LRMDA: variants seen among roughly 807,000 people sequenced by gnomAD.
LRMDA encodes the protein leucine rich melanocyte differentiation associated, also known as leucine-rich melanocyte differentiation-associated protein.
A neutral mutation model predicts 29.8 loss-of-function variants in LRMDA; 18 were observed. The ratio of observed to expected loss-of-function variants is 0.60; its 90% confidence interval spans 0.42 to 0.90. The LOEUF is 0.90. LRMDA is among the 40% of genes least tolerant of loss of function. LRMDA has a pLI of 0.00. For missense variants in LRMDA, 273 were observed against 273.9 expected, an observed-to-expected ratio of 1.00 and a Z score of 0.02; for synonymous variants, 125 against 109.4, an observed-to-expected ratio of 1.14 and a Z score of -0.89.
chr10:75,920,977 T>C (rs1348699956), intron 2 of LRMDA, among the ~76,000 whole-genome samples: 1 of 152,230 alleles, frequency 6.6e-6, no homozygotes, highest in Non-Finnish European at 1.5e-5. Flanking sequence ...GTATGTGGTC[T>C]GTCTAATGCC....
intron 2 of LRMDA, among the ~76,000 whole-genome samples, chr10:75,483,867 G>GTTTGTTT (rs1554893490): frequency 8.4e-6 from 1 of 119,142 alleles, no homozygotes; most frequent in Non-Finnish European, 1.7e-5. Context: ...GTATGGAGAG[G>GTTTGTTT]TTTTTTTTTT....
At chr10:76,069,327 A>C (rs1485022329) in intron 5 of LRMDA, among the ~76,000 whole-genome samples, 1 of 152,184 alleles carries the variant, frequency 6.6e-6, no homozygotes, top group Non-Finnish European at 1.5e-5. Context: ...TGCTCCTTAC[A>C]GTAGAGTGTC....
At chr10:76,046,229 C>T (rs1323963628) in intron 3 of LRMDA, among the ~76,000 whole-genome samples, 2 of 152,180 alleles carry the variant, frequency 1.3e-5, no homozygotes, top group Non-Finnish European at 2.9e-5. Context: ...CTGTATGTGG[C>T]TTAAGCCAGG....
chr10:76,284,153 C>T (rs1281740617), intron 5 of LRMDA, among the ~76,000 whole-genome samples: 1 of 152,106 alleles, frequency 6.6e-6, no homozygotes, highest in Admixed American at 6.5e-5. Context: ...TGTCCATGTC[C>T]TAATTCTTAG....
chr10:76,031,849 A>G (rs1564634366), intron 2 of LRMDA, among the ~76,000 whole-genome samples: 2 of 152,210 alleles, frequency 1.3e-5, no homozygotes, highest in South Asian at 2.1e-4. Flanking sequence ...GGGGCCAAAT[A>G]TAGTCCCAAA....
chr10:75,930,596 T>A (rs985163192), intron 2 of LRMDA, among the ~76,000 whole-genome samples: 4 of 152,188 alleles, frequency 2.6e-5, no homozygotes, highest in Non-Finnish European at 1.5e-5. Context: ...GCTATTTGAG[T>A]TGTAGTTTAT....
At chr10:76,299,466 A>G (rs1225337718) in intron 5 of LRMDA, among the ~76,000 whole-genome samples, 1 of 152,136 alleles carries the variant, frequency 6.6e-6, no homozygotes, top group Non-Finnish European at 1.5e-5. Context: ...ACCTGGACCC[A>G]GAAGTTCATA....
chr10:76,457,644 G>A (rs1842470727), intron 6 of LRMDA, among the ~76,000 whole-genome samples: 3 of 152,228 alleles, frequency 2.0e-5, no homozygotes, highest in Admixed American at 2.0e-4. Flanking sequence ...GCTTTCTTCA[G>A]GCATAAGTTA....
intron 2 of LRMDA, among the ~76,000 whole-genome samples, chr10:75,997,118 A>G (rs1011340722): frequency 7.9e-5 from 12 of 152,216 alleles, no homozygotes; most frequent in African/African-American, 2.7e-4. Flanking sequence ...AGAATCATAA[A>G]GAAGGAAATT....
intron 2 of LRMDA, among the ~76,000 whole-genome samples, chr10:75,666,338 CTAAA>C (rs1232639794): frequency 1.3e-5 from 2 of 150,098 alleles, no homozygotes; most frequent in African/African-American, 2.5e-5. Context: ...TAACTGTGAA[CTAAA>C]TAGTTTGAAA....
At chr10:76,289,523 T>A (rs1840312896) in intron 5 of LRMDA, among the ~76,000 whole-genome samples, 1 of 152,186 alleles carries the variant, frequency 6.6e-6, no homozygotes, top group Non-Finnish European at 1.5e-5. Context: ...AAGTAGTTTA[T>A]AAGGAGTTCA....
rs76679965 is a variant in LRMDA, at chr10:75,947,182, C to G, written c.132-88826C>G. ...TCTTGCCCTTAATCCTAGTGTGGTACTAGTTTTAACTGTATGAAATTGCCA... is the reference window on the plus strand; with the variant it reads ...TCTTGCCCTTAATCCTAGTGTGGTAGTAGTTTTAACTGTATGAAATTGCCA... On this transcript the variant is annotated intron_variant, in intron 2 of 6. Transcript: ENST00000611255. Among the ~76,000 whole-genome samples the G allele has an allele frequency of 7.5e-3, 1,143 of 152,298 alleles. 49 individuals carry two copies. In the East Asian group the frequency reaches 0.14, roughly 19 times the overall value.
chr10:76,525,976 T>C (rs564163638), intron 6 of LRMDA, among the ~76,000 whole-genome samples: 2 of 152,216 alleles, frequency 1.3e-5, no homozygotes, highest in East Asian at 3.9e-4. Flanking sequence ...ACCAGCCAGC[T>C]CCCCAACTGG....
chr10:75,962,740 G>A (rs2132430540), intron 2 of LRMDA, among the ~76,000 whole-genome samples: 1 of 152,290 alleles, frequency 6.6e-6, no homozygotes, highest in East Asian at 1.9e-4. Flanking sequence ...TGTACCTCCA[G>A]AAAAATACAT....
At chr10:75,629,946 C>T (rs1173233369) in intron 2 of LRMDA, among the ~76,000 whole-genome samples, 1 of 152,182 alleles carries the variant, frequency 6.6e-6, no homozygotes, top group East Asian at 1.9e-4. Context: ...AAATTTATTG[C>T]AGATCAGTTT....
At chr10:76,248,619 T>TCAGA (rs1354217448) in intron 5 of LRMDA, among the ~76,000 whole-genome samples, 2 of 152,170 alleles carry the variant, frequency 1.3e-5, no homozygotes, top group African/African-American at 4.8e-5. Context: ...AGGTGGAAAG[T>TCAGA]CAGACGTAAG....
intron 2 of LRMDA, among the ~76,000 whole-genome samples, chr10:75,523,861 A>C (rs1380448673): frequency 6.6e-6 from 1 of 152,072 alleles, no homozygotes; most frequent in African/African-American, 2.4e-5. Flanking sequence ...GTGTCTGATA[A>C]AATGTCAGCC....
At chr10:75,550,797 A>G (rs1311954440) in intron 2 of LRMDA, among the ~76,000 whole-genome samples, 2 of 151,866 alleles carry the variant, frequency 1.3e-5, no homozygotes, top group African/African-American at 4.8e-5. Flanking sequence ...CATCTCCACC[A>G]CTGGCTTATA....
chr10:76,215,545 A>T (rs1851713736), intron 5 of LRMDA, among the ~76,000 whole-genome samples: 1 of 152,276 alleles, frequency 6.6e-6, no homozygotes, highest in South Asian at 2.1e-4. Flanking sequence ...CTTGAAAAAA[A>T]AAAAAGTGTG....
Sources: gnomAD v4.1 joint callset for allele counts (sites outside exome capture counted in the v4.1 genomes callset) on GRCh38, gnomAD v4.1.1 for gene constraint, MANE v1.5 for transcripts, NCBI Gene and HGNC (gene_info 2026-07-23, HGNC 2026-07-21) for gene names.